HPSE2: variants seen among roughly 807,000 people sequenced by gnomAD.
HPSE2 encodes heparanase 2 (inactive), also known as inactive heparanase-2.
In HPSE2, 38 loss-of-function variants were observed where a neutral mutation model predicts 60.5. The observed-to-expected ratio is 0.63, with a 90% CI of 0.48 to 0.82. HPSE2 has a LOEUF of 0.82. Ranked by LOEUF, HPSE2 falls within the 40% of genes least tolerant of loss-of-function variation. HPSE2 has a pLI of 0.00. For synonymous variants in HPSE2, 295 were observed against 293.2 expected, an observed-to-expected ratio of 1.01 and a Z score of -0.06; for missense variants, 713 against 740.4, an observed-to-expected ratio of 0.96 and a Z score of 0.43.
chr10:99,002,803 AAAT>A (rs1956805911), intron 3 of HPSE2, among the ~76,000 whole-genome samples: 1 of 152,104 alleles, frequency 6.6e-6, no homozygotes, highest in African/African-American at 2.4e-5. Context: ...TACGTATACA[AAAT>A]AATGTTTTGA....
chr10:99,013,177 G>A, intron 3 of HPSE2: 1 of 671,346 alleles, frequency 1.5e-6, no homozygotes, highest in Non-Finnish European at 2.8e-6. Flanking sequence ...CAGCATGCCT[G>A]GATATGCCAC....
At chr10:99,204,655 G>A (rs1279898483) in intron 2 of HPSE2, among the ~76,000 whole-genome samples, 1 of 152,098 alleles carries the variant, frequency 6.6e-6, no homozygotes, top group African/African-American at 2.4e-5. Context: ...CAGTAGACCT[G>A]TGACCAGCAC....
chr10:98,807,314 G>A (rs1589858938), intron 3 of HPSE2, among the ~76,000 whole-genome samples: 1 of 152,162 alleles, frequency 6.6e-6, no homozygotes, highest in South Asian at 2.1e-4. Context: ...TCATATTGCT[G>A]TGTCTGCTAG....
At chr10:98,905,052 A>G (rs1036348385) in intron 3 of HPSE2, among the ~76,000 whole-genome samples, 1 of 152,212 alleles carries the variant, frequency 6.6e-6, no homozygotes, top group African/African-American at 2.4e-5. Context: ...TGGGCATAAT[A>G]AGAGACAGGA....
intron 9 of HPSE2, among the ~76,000 whole-genome samples, chr10:98,546,057 C>T (rs1943662646): frequency 7.7e-6 from 1 of 129,106 alleles, no homozygotes; most frequent in South Asian, 2.6e-4. Context: ...TTAACAATTG[C>T]TTCAAAGAGA....
At chr10:98,989,263 T>C (rs1272928100) in intron 3 of HPSE2, among the ~76,000 whole-genome samples, 2 of 152,142 alleles carry the variant, frequency 1.3e-5, no homozygotes, top group East Asian at 1.9e-4. Context: ...CCAACAATGA[T>C]AGACTGGATT....
chr10:98,923,675 G>T (rs1954354898), intron 3 of HPSE2, among the ~76,000 whole-genome samples: 1 of 151,546 alleles, frequency 6.6e-6, no homozygotes, highest in Non-Finnish European at 1.5e-5. Context: ...GATCAATTCT[G>T]CTATTAAGAG....
intron 9 of HPSE2, among the ~76,000 whole-genome samples, chr10:98,602,889 T>C (rs1469282826): frequency 6.6e-6 from 1 of 152,120 alleles, no homozygotes; most frequent in Non-Finnish European, 1.5e-5. Flanking sequence ...CTTTGTGGCC[T>C]TGAATTGAAC....
Position 98,711,955 on chromosome 10 carries a change from G to T in HPSE2, c.956+9702C>A, listed in dbSNP as rs1435129649. Among the ~76,000 whole-genome samples, 7 of 152,050 alleles carry T rather than the reference G, an allele frequency of 4.6e-5. No homozygotes were observed. In the East Asian group the frequency reaches 1.3e-3, roughly 29 times the overall value. On this transcript the variant is annotated intron_variant, in intron 5 of 11. Transcript: ENST00000370552. The stretch of plus-strand genomic sequence containing the variant: ...GCTGCATGCATAGCAATCCCTCTAG[G>T]TGCTTCTAATGCAGGAGGACCATGG...
At chr10:98,484,845 TATA>T (rs780634605) in intron 10 of HPSE2, among the ~76,000 whole-genome samples, 1 of 152,192 alleles carries the variant, frequency 6.6e-6, no homozygotes, top group Non-Finnish European at 1.5e-5. Flanking sequence ...TCAGCAAAAC[TATA>T]ATGATTTCCT....
At chr10:99,008,423 T>C (rs1234006469) in intron 3 of HPSE2, among the ~76,000 whole-genome samples, 1 of 152,084 alleles carries the variant, frequency 6.6e-6, no homozygotes, top group Non-Finnish European at 1.5e-5. Context: ...TTCAGAAAAA[T>C]GAGAGGCCAA....
At chr10:98,922,411 G>T (rs930330776) in intron 3 of HPSE2, among the ~76,000 whole-genome samples, 3 of 152,162 alleles carry the variant, frequency 2.0e-5, no homozygotes, top group African/African-American at 7.2e-5. Context: ...CTGTCCTGGG[G>T]TAGCTTGCAT....
At chr10:98,689,706 T>C (rs1162475990) in intron 6 of HPSE2, among the ~76,000 whole-genome samples, 9 of 152,328 alleles carry the variant, frequency 5.9e-5, no homozygotes, top group Admixed American at 3.9e-4. Context: ...ACTACAGAGA[T>C]AGAAGAATGC....
At chr10:98,927,251 T>A (rs778575388) in intron 3 of HPSE2, among the ~76,000 whole-genome samples, 11 of 152,136 alleles carry the variant, frequency 7.2e-5, no homozygotes, top group Non-Finnish European at 1.6e-4. Flanking sequence ...AGCCTCTTTG[T>A]AGGTCACTCA....
chr10:98,584,075 T>G (rs1944874465), intron 9 of HPSE2, among the ~76,000 whole-genome samples: 1 of 152,326 alleles, frequency 6.6e-6, no homozygotes. Flanking sequence ...TTTGAAACAC[T>G]GCAAAACTGT....
intron 3 of HPSE2, among the ~76,000 whole-genome samples, chr10:98,852,129 G>GTGTGTGTT (rs1311605036): frequency 3.0e-5 from 4 of 132,794 alleles, no homozygotes; most frequent in Non-Finnish European, 6.4e-5. Flanking sequence ...GTGTGTGTGT[G>GTGTGTGTT]TGTGTGTGTG....
intron 9 of HPSE2, among the ~76,000 whole-genome samples, chr10:98,527,694 G>T (rs765713734): frequency 5.3e-5 from 8 of 152,074 alleles, no homozygotes; most frequent in Non-Finnish European, 1.0e-4. Flanking sequence ...GCCCTAGATC[G>T]ACTCTGAGCT....
At chr10:99,274,891 T>C in the HPSE2 span, among the ~76,000 whole-genome samples, 5 of 152,260 alleles carry the variant, frequency 3.3e-5, no homozygotes, top group Non-Finnish European at 7.3e-5. Context: ...AAAGCAGACT[T>C]AGCTGTCTCA....
chr10:99,125,862 C>T (rs1845143339), intron 3 of HPSE2, among the ~76,000 whole-genome samples: 1 of 152,150 alleles, frequency 6.6e-6, no homozygotes, highest in South Asian at 2.1e-4. Context: ...ACTTATCTCT[C>T]AAGGGTCCCT....
Sources: gnomAD v4.1 joint callset for allele counts (sites outside exome capture counted in the v4.1 genomes callset) on GRCh38, gnomAD v4.1.1 for gene constraint, MANE v1.5 for transcripts, NCBI Gene and HGNC (gene_info 2026-07-23, HGNC 2026-07-21) for gene names.